Variants in MATN4 observed in about 807,000 individuals in gnomAD.
MATN4 encodes the protein matrilin-4.
MATN4 carries 40 observed loss-of-function variants against 54.6 expected under a neutral mutation model. The observed-to-expected ratio is 0.73, with a 90% CI of 0.57 to 0.95. The LOEUF (loss-of-function observed/expected upper bound fraction) is 0.95, where lower values mean the gene tolerates loss of function less well. MATN4 is among the 40% of genes least tolerant of loss of function. The probability of loss-of-function intolerance (pLI) is 0.00; values close to 1 mark genes in which losing one functional copy is unlikely to be tolerated. For missense variants in MATN4, 810 were observed against 819.1 expected (o/e 0.99, Z 0.13); for synonymous variants, 351 against 345.3 (o/e 1.02, Z -0.18).
Position 45,306,892 on chromosome 20 carries a change from G to C in MATN4, c.-34-1276C>G, listed in dbSNP as rs1217173753. 7 of 1,256,486 alleles carry C rather than the reference G, an allele frequency of 5.6e-6. No individual in the cohort carries two copies. The African/African-American group carries it at 1.1e-4, about 19-fold the overall frequency. The allele number at this position is 1,256,486 out of a possible 1,614,324, so 77.8% of individuals were successfully genotyped here. ...GCACTGGACTCGTCCAGAGGGCGGC[G>C]GGTGAGCGGCTGGGGCCCCGTGGAG... On this transcript the variant is annotated intron_variant, in intron 1 of 9. Coordinates refer to ENST00000372756, the MANE Select transcript of MATN4 (RefSeq NM_001393530.1).
chr20:45,307,684 A>G (rs1366878151), intron 1 of MATN4, among the ~76,000 whole-genome samples: 1 of 152,228 alleles, frequency 6.6e-6, no homozygotes, highest in Non-Finnish European at 1.5e-5. Flanking sequence ...TAGAAAGTCA[A>G]AATAGCAAAT....
intron 8 of MATN4, among the ~76,000 whole-genome samples, chr20:45,295,445 T>C (rs1329312425): frequency 6.6e-6 from 1 of 152,234 alleles, no homozygotes; most frequent in Non-Finnish European, 1.5e-5. Context: ...TGGAGTGCAG[T>C]GGTGCAATCT....
At chr20:45,302,152 A>T (rs768406519) in intron 3 of MATN4, among the ~76,000 whole-genome samples, 4 of 152,146 alleles carry the variant, frequency 2.6e-5, no homozygotes, top group African/African-American at 4.8e-5. Context: ...ATGAGAGAGG[A>T]TCCATAAATC....
intron 3 of MATN4, 141 bp from the exon 4 acceptor site, chr20:45,301,584 TC>T: frequency 1.2e-6 from 1 of 808,264 alleles, no homozygotes; most frequent in South Asian, 1.8e-5. Flanking sequence ...AGGGCCCCTG[TC>T]CTCAAGATGC....
upstream of MATN4, chr20:45,308,563 A>G (rs1600710692): frequency 2.5e-6 from 1 of 399,978 alleles, no homozygotes; most frequent in Non-Finnish European, 4.7e-6. Flanking sequence ...CTTAGAAGGC[A>G]CTTCCCTGAG....
rs1283020364 is a variant in MATN4 at position 45,298,418 on chromosome 20, A to G, written c.1178T>C (p.Val393Ala). ...RVGLVQFSSR[V>A]RTEFPLGRYG... ...GCGACCCAGAGGGAACTCGGTGCGC[A>G]CGCGGCTCGAGAACTGCACCAGCCC... The change falls in exon 7 of 10, where the codon GTG becomes GCG. Residue 393 changes from valine (V) to alanine (A), a missense_variant. By Grantham distance (64) the Val-to-Ala change is moderately conservative. Coordinates refer to ENST00000372756, the MANE Select transcript of MATN4 (RefSeq NM_001393530.1). This position sits in a 1 kb window ranked among gnomAD's most constrained non-coding sequence, Gnocchi z 4.6. 1 of 1,613,116 alleles carries G rather than the reference A, an allele frequency of 6.2e-7. No individual in the cohort carries two copies. Among genetic ancestry groups the G allele is most frequent in the East Asian group, 2.2e-5 (1 of 44,878 alleles).
At position 45,294,000 on chromosome 20, in the gene MATN4, G is replaced by C. The variant is rs1485930739; in HGVS notation, c.1595C>G (p.Ala532Gly). Residue 532 changes from alanine (A) to glycine (G), a missense_variant, in exon 9 of 10, where the codon GCA (alanine) becomes GGA (glycine). By Grantham distance (60) the Ala-to-Gly change is moderately conservative. Coordinates refer to ENST00000372756, the MANE Select transcript of MATN4 (RefSeq NM_001393530.1). ...GSICPEEGIS[A>G]GTELRSPCEC... is the part of the protein sequence containing the mutation. ...GCATGGGCTCCGAAGCTCTGTCCCT[G>C]CGCTGATGCCCTCCTCTGCAAGCCG... is the stretch of plus-strand genomic sequence containing the variant. The C allele has an allele frequency of 3.1e-6, 5 of 1,602,010 alleles. No homozygotes were observed. Among genetic ancestry groups the C allele is most frequent in the East Asian group, 4.5e-5 (2 of 44,864 alleles).
chr20:45,308,684 C>T (rs1329896872), upstream of MATN4, among the ~76,000 whole-genome samples: 2 of 152,040 alleles, frequency 1.3e-5, no homozygotes, highest in African/African-American at 4.8e-5. Context: ...AGACTCTGGT[C>T]CTGCCAAGAG....
At chr20:45,308,343 G>A (rs1212922289), upstream of MATN4, 9 of 834,300 alleles carry the variant, frequency 1.1e-5, no homozygotes, top group Non-Finnish European at 1.6e-5. Context: ...AGGGCTGGCG[G>A]GTGGGGAGGG....
In MATN4 at chr20:45,298,477, G is replaced by A; in HGVS notation, c.1119C>T (p.Asp373=). ...TGCCCTCGGGGGACACATCTAGGAA[G>A]TCCACAATCTGGTTCACGAAGCGCT... is the stretch of plus-strand genomic sequence containing the variant. ...LVKRFVNQIV[D]FLDVSPEGTR... Residue 373 remains aspartate, a synonymous_variant, in exon 7 of 10, where the codon GAC becomes GAT. Transcript: ENST00000372756. This position sits in a 1 kb window ranked among gnomAD's most constrained non-coding sequence, Gnocchi z 4.6. The A allele has an allele frequency of 5.0e-6, 8 of 1,613,804 alleles. No individual in the cohort carries two copies. Among genetic ancestry groups the A allele is most frequent in the Non-Finnish European group, 6.8e-6 (8 of 1,179,898 alleles).
chr20:45,306,757 C>A, intron 1 of MATN4: 1 of 491,444 alleles, frequency 2.0e-6, no homozygotes, highest in Non-Finnish European at 3.3e-6. Context: ...GGTGCGCCCA[C>A]CCCGAGCAAA....
In MATN4 at chr20:45,301,030, G is replaced by A. The variant is rs2233098; in HGVS notation, c.890-21C>T. 1.7e-3 allele frequency: 2,735 copies of A among 1,614,030 alleles called. 38 individuals are homozygous for A. In the African/African-American group the frequency reaches 0.03, roughly 18 times the overall value. ...CCGGACTGAAAGGAGAGACAGGTCA[G>A]GATGAGTCAGGATGGACCCCACCAG... is the stretch of plus-strand genomic sequence containing the variant. On this transcript the variant is annotated intron_variant, in intron 5 of 9. Coordinates refer to ENST00000372756, the MANE Select transcript of MATN4 (RefSeq NM_001393530.1).
intron 3 of MATN4, 130 bp from the exon 4 acceptor site, chr20:45,301,573 C>T (rs1986235811): frequency 2.2e-6 from 2 of 912,418 alleles, no homozygotes; most frequent in Non-Finnish European, 3.2e-6. Flanking sequence ...CCTAATTAGT[C>T]AGGGCCCCTG....
chr20:45,295,930 G>A (rs1985788001), intron 8 of MATN4, among the ~76,000 whole-genome samples: 1 of 152,022 alleles, frequency 6.6e-6, no homozygotes, highest in East Asian at 1.9e-4. Flanking sequence ...TAAGATTACA[G>A]GGAGGCCAGG....
chr20:45,307,028 A>C, intron 1 of MATN4: 2 of 837,012 alleles, frequency 2.4e-6, no homozygotes, highest in Non-Finnish European at 3.2e-6. Flanking sequence ...CCACTATACA[A>C]ATAGGAAAAC....
intron 3 of MATN4, chr20:45,303,519 C>T (rs535918029): frequency 1.4e-6 from 1 of 708,488 alleles, no homozygotes; most frequent in African/African-American, 1.7e-5. Context: ...TCCCTGAGGA[C>T]ACACAGGACT....
chr20:45,305,805 C>CTGTTTTTTTTTTTTTTTTTTTTTTTTTTT (rs1986593667), intron 1 of MATN4, among the ~76,000 whole-genome samples, 189 bp from the exon 2 acceptor site: 1 of 64,676 alleles, frequency 1.5e-5, no homozygotes, highest in African/African-American at 6.5e-5. Context: ...ACAAGAGATT[C>CTGTTTTTTTTTTTTTTTTTTTTTTTTTTT]TTTTTTTTTT....
intron 8 of MATN4, among the ~76,000 whole-genome samples, chr20:45,297,031 C>T (rs1323577715): frequency 6.6e-6 from 1 of 151,770 alleles, no homozygotes; most frequent in Non-Finnish European, 1.5e-5. Context: ...AGGGTTTCAC[C>T]ATGTTGCCAA....
At chr20:45,300,111 T>C (rs942628070) in intron 6 of MATN4, among the ~76,000 whole-genome samples, 1 of 152,046 alleles carries the variant, frequency 6.6e-6, no homozygotes, top group Non-Finnish European at 1.5e-5. Context: ...GCCTCCAGAA[T>C]TGTGAAAACT....
Sources: gnomAD v4.1 joint callset for allele counts (sites outside exome capture counted in the v4.1 genomes callset) on GRCh38, gnomAD v4.1.1 for gene constraint, Gnocchi (gnomAD v3.1) non-coding constraint, MANE v1.5 for transcripts, NCBI Gene and HGNC (gene_info 2026-07-23, HGNC 2026-07-21) for gene names.